AOX1: variants seen among roughly 807,000 people sequenced by gnomAD.
AOX1 encodes the protein aldehyde oxidase 1.
AOX1 carries 153 observed loss-of-function variants against 169.5 expected under a neutral mutation model. The observed-to-expected ratio is 0.90, with a 90% CI of 0.79 to 1.03. The LOEUF (loss-of-function observed/expected upper bound fraction) is 1.03. AOX1 is among the 50% of genes least tolerant of loss of function. The probability of loss-of-function intolerance (pLI) is 0.00; values close to 1 mark genes in which losing one functional copy is unlikely to be tolerated. For missense variants in AOX1, 1,656 were observed against 1,663.9 expected (o/e 1.00, Z 0.08); for synonymous variants, 562 against 581.9 (o/e 0.97, Z 0.49).
rs757709652 is a variant in AOX1 at position 200,593,209 on chromosome 2, C to A, written c.103+6C>A. On this transcript the variant is annotated splice_donor_region_variant and intron_variant, in intron 2 of 34. Coordinates refer to ENST00000374700, the MANE Select transcript of AOX1 (RefSeq NM_001159.4). Reference sequence around the variant, plus strand: ...GCCTTATTTGAGGAAGAAGCGTATCCTTTTCTTTACTTTGACTGTGTATGT... The same window carrying A: ...GCCTTATTTGAGGAAGAAGCGTATCATTTTCTTTACTTTGACTGTGTATGT... The A allele has an allele frequency of 5.7e-5, 92 of 1,611,336 alleles. No individual in the cohort carries two copies. The highest frequency in any genetic ancestry group is 7.4e-5 in the Non-Finnish European group (87 of 1,177,894).
intron 21 of AOX1, 87 bp downstream of exon 21, chr2:200,635,002 T>C (rs747278141): frequency 1.9e-4 from 295 of 1,532,036 alleles, no homozygotes; most frequent in Non-Finnish European, 2.5e-4. Context: ...TAAAAGTATA[T>C]TTGGGAATTT....
intron 21 of AOX1, among the ~76,000 whole-genome samples, chr2:200,635,223 T>G (rs1389692537): frequency 6.6e-6 from 1 of 152,176 alleles, no homozygotes. Flanking sequence ...ATAAGTTCAG[T>G]GCTTTTAAAA....
chr2:200,622,719 T>C (rs1162725659), intron 18 of AOX1, among the ~76,000 whole-genome samples: 4 of 152,228 alleles, frequency 2.6e-5, no homozygotes, highest in Non-Finnish European at 2.9e-5. Flanking sequence ...GGGCCACATC[T>C]ATGTGCCAGG....
chr2:200,622,696 A>C (rs1343651352), intron 18 of AOX1, among the ~76,000 whole-genome samples: 1 of 152,216 alleles, frequency 6.6e-6, no homozygotes, highest in Non-Finnish European at 1.5e-5. Context: ...TATGAAGATC[A>C]TAAGCATCTC....
chr2:200,593,549 C>A (rs1249919960), intron 2 of AOX1, among the ~76,000 whole-genome samples: 1 of 152,080 alleles, frequency 6.6e-6, no homozygotes, highest in African/African-American at 2.4e-5. Context: ...GAAAAGAGAG[C>A]ACAGAAGTCA....
rs150324438 is a variant in AOX1, at chr2:200,658,746, T to A, written c.3172-419T>A. On this transcript the variant is annotated intron_variant, in intron 27 of 34. Coordinates refer to ENST00000374700, the MANE Select transcript of AOX1 (RefSeq NM_001159.4). ...CATCGTCCTTTCTCATAGGAAGCACTCTTTCCCTGGGGCAACTCCAGAAAT... is the reference window on the plus strand; with the variant it reads ...CATCGTCCTTTCTCATAGGAAGCACACTTTCCCTGGGGCAACTCCAGAAAT... Among the ~76,000 whole-genome samples, 607 of 152,348 alleles carry A rather than the reference T, an allele frequency of 4.0e-3. 5 individuals carry two copies. The highest frequency in any genetic ancestry group is 0.014 in the African/African-American group (595 of 41,588).
Position 200,670,700 on chromosome 2 carries a change from GA to G in AOX1, c.*25del. On this transcript the variant is annotated 3_prime_UTR_variant, in exon 35 of 35. Coordinates refer to ENST00000374700, the MANE Select transcript of AOX1 (RefSeq NM_001159.4). ...TCTGAATCAAATGCAAACTTCTGGA[GA>G]AAACAGAGTGCCTCTTCCCAGATGG... is the stretch of plus-strand genomic sequence containing the variant. 1 of 1,603,110 alleles carries G rather than the reference GA, an allele frequency of 6.2e-7. No homozygotes were observed. Among genetic ancestry groups the G allele is most frequent in the Non-Finnish European group, 8.5e-7 (1 of 1,171,300 alleles).
chr2:200,637,963 A>C (rs1028090586), intron 22 of AOX1, among the ~76,000 whole-genome samples: 3 of 152,198 alleles, frequency 2.0e-5, no homozygotes, highest in Admixed American at 6.5e-5. Context: ...CCCCCAAAGC[A>C]ATGTCCTGGA....
At chr2:200,617,548 A>G (rs566510443) in intron 16 of AOX1, among the ~76,000 whole-genome samples, 3 of 151,064 alleles carry the variant, frequency 2.0e-5, no homozygotes, top group African/African-American at 7.3e-5. Flanking sequence ...ATTTTTTGGA[A>G]TTTTTCCTCA....
intron 1 of AOX1, 136 bp downstream of exon 1, chr2:200,586,289 A>G: frequency 8.5e-6 from 8 of 943,556 alleles, no homozygotes; most frequent in Non-Finnish European, 1.2e-5. Flanking sequence ...CTCCCGTAAC[A>G]GCGGCTTTGC....
At chr2:200,624,087 C>T in intron 19 of AOX1, 104 bp downstream of exon 19, 1 of 1,401,266 alleles carries the variant, frequency 7.1e-7, no homozygotes, top group Non-Finnish European at 1.0e-6. Context: ...AAAGTGGCCT[C>T]CAAAGCACAC....
At chr2:200,653,596 G>A (rs903588309) in intron 26 of AOX1, among the ~76,000 whole-genome samples, 15 of 152,300 alleles carry the variant, frequency 9.8e-5, no homozygotes, top group East Asian at 7.7e-4. Flanking sequence ...CGCCTTCATC[G>A]TCCCACAGGG....
At position 200,639,762 on chromosome 2, in the gene AOX1, C is replaced by T. The variant is rs1431133418; in HGVS notation, c.2569-1336C>T. On this transcript the variant is annotated intron_variant, in intron 23 of 34. Coordinates refer to ENST00000374700, the MANE Select transcript of AOX1 (RefSeq NM_001159.4). ...GGTCTTCAAGAATGGAGGCCAGGCA[C>T]GGTGGCTCAGGCCTGTAATCCTAGC... 3.3e-5 allele frequency among the ~76,000 whole-genome samples: 5 copies of T among 152,156 alleles called. No individual in the cohort carries two copies. The South Asian group carries it at 6.2e-4, about 19-fold the overall frequency.
rs554904899 is a variant in AOX1, at chr2:200,586,155, T to G, written c.45+2T>G. 2.6e-6 allele frequency: 4 copies of G among 1,558,480 alleles called. No individual in the cohort carries two copies. In the East Asian group the frequency reaches 7.2e-5, roughly 28 times the overall value. The stretch of plus-strand genomic sequence containing the variant: ...CTCTTCTACGTGAACGGCCGCAAGG[T>G]GAGCGCCCGCGGGCTTCCTCTGCCC... On this transcript the variant is annotated splice_donor_variant, in intron 1 of 34. Coordinates refer to ENST00000374700, the MANE Select transcript of AOX1 (RefSeq NM_001159.4). LOFTEE classifies it high-confidence loss of function.
Position 200,643,387 on chromosome 2 carries a change from A to T in AOX1, c.2847+586A>T, listed in dbSNP as rs1183161233. Among the ~76,000 whole-genome samples, 9 of 100,590 alleles carry T rather than the reference A, an allele frequency of 8.9e-5. No individual in the cohort carries two copies. In the East Asian group the frequency reaches 4.5e-3, roughly 50 times the overall value. 66.0% of individuals were successfully genotyped at this position (100,590 alleles called of 152,430 possible). ...CACATATATATGTGTATATATATAT[A>T]CACACACACACATATATATATATAT... On this transcript the variant is annotated intron_variant, in intron 25 of 34. Transcript: ENST00000374700.
intron 1 of AOX1, among the ~76,000 whole-genome samples, chr2:200,589,050 C>T (rs1288668116): frequency 6.6e-6 from 1 of 152,004 alleles, no homozygotes; most frequent in Non-Finnish European, 1.5e-5. Flanking sequence ...CAAACACAAT[C>T]TCTGGAATTA....
At chr2:200,602,202 G>A in intron 5 of AOX1, 82 bp from the exon 6 acceptor site, 1 of 1,106,940 alleles carries the variant, frequency 9.0e-7, no homozygotes, top group Non-Finnish European at 1.4e-6. Context: ...CTATGATAGG[G>A]TCCTCATTTC....
intron 16 of AOX1, among the ~76,000 whole-genome samples, chr2:200,617,037 CT>C (rs1466329529): frequency 6.6e-6 from 1 of 152,094 alleles, no homozygotes; most frequent in Non-Finnish European, 1.5e-5. Flanking sequence ...AACCCTTTGG[CT>C]TATAAATACC....
chr2:200,612,625 C>T lies in AOX1; in HGVS notation c.1280C>T (p.Ala427Val), dbSNP rs1352626906. 6.2e-7 allele frequency: 1 copy of T among 1,613,650 alleles called. No individual in the cohort carries two copies. The highest frequency in any genetic ancestry group is 8.5e-7 in the Non-Finnish European group (1 of 1,179,870). ...PYSRKWEFVS[A>V]FRQAQRQENA... is the part of the protein sequence containing the mutation. The stretch of plus-strand genomic sequence containing the variant: ...TTCTTTCAGTGGGAATTTGTGTCAG[C>T]CTTCCGACAAGCCCAGCGACAGGAG... Residue 427 changes from alanine to valine, a missense_variant, in exon 14 of 35, where the codon GCC becomes GTC. Coordinates refer to ENST00000374700, the MANE Select transcript of AOX1 (RefSeq NM_001159.4).
Sources: gnomAD v4.1 joint callset for allele counts (sites outside exome capture counted in the v4.1 genomes callset) on GRCh38, gnomAD v4.1.1 for gene constraint, MANE v1.5 for transcripts, NCBI Gene and HGNC (gene_info 2026-07-23, HGNC 2026-07-21) for gene names.